AK9: variants seen among roughly 807,000 people sequenced by gnomAD.
The protein encoded by AK9 is adenylate kinase 9.
In AK9, 191 loss-of-function variants were observed where a neutral mutation model predicts 239.6. The observed-to-expected ratio is 0.80, with a 90% CI of 0.71 to 0.90. The LOEUF (loss-of-function observed/expected upper bound fraction) is 0.90. Ranked by LOEUF, AK9 falls within the 40% of genes least tolerant of loss-of-function variation. AK9 has a pLI of 0.00. For missense variants in AK9, 1,995 were observed against 2,214.7 expected, an observed-to-expected ratio of 0.90 and a Z score of 1.99; for synonymous variants, 689 against 721.0, an observed-to-expected ratio of 0.96 and a Z score of 0.71.
chr6:109,534,799 C>T (rs1781757751), intron 27 of AK9, among the ~76,000 whole-genome samples: 1 of 151,816 alleles, frequency 6.6e-6, no homozygotes, highest in Admixed American at 6.6e-5. Context: ...TACTCCCCTT[C>T]CTGTGTCCAA....
chr6:109,659,097 C>T, intron 7 of AK9, 131 bp downstream of exon 7: 1 of 1,235,896 alleles, frequency 8.1e-7, no homozygotes, highest in Non-Finnish European at 1.1e-6. Context: ...TTGCTTATTT[C>T]CTCCAAACTC....
intron 29 of AK9, among the ~76,000 whole-genome samples, chr6:109,526,755 T>G (rs1780569444): frequency 6.6e-6 from 1 of 152,176 alleles, no homozygotes; most frequent in Admixed American, 6.5e-5. Context: ...TGTGAACTAC[T>G]TGGTTTTCAG....
At chr6:109,520,894 T>G (rs1297613300) in intron 29 of AK9, among the ~76,000 whole-genome samples, 1 of 152,166 alleles carries the variant, frequency 6.6e-6, no homozygotes, top group African/African-American at 2.4e-5. Flanking sequence ...CATTCTTGAT[T>G]TGGCTCTAAG....
intron 28 of AK9, among the ~76,000 whole-genome samples, chr6:109,530,098 G>A (rs557903504): frequency 3.3e-5 from 5 of 152,266 alleles, no homozygotes; most frequent in African/African-American, 9.6e-5. Context: ...TAACACAATG[G>A]ATCCCCTTTG....
chr6:109,564,114 C>T lies in AK9; in HGVS notation c.2601G>A (p.Gln867=). The change falls in exon 23 of 41, where the codon CAG becomes CAA. Residue 867 remains glutamine, a synonymous_variant. Coordinates refer to ENST00000424296, the MANE Select transcript of AK9 (RefSeq NM_001145128.3). ...TCTCAACTACTTTTTGAAGTAATTC[C>T]TGTGGAGTTCTGTCAGCAATCTCCA... The part of the protein sequence containing the change: ...LNLEIADRTP[Q]ELLQKVVETM... 1.3e-6 allele frequency: 2 copies of T among 1,551,274 alleles called. No homozygotes were observed. The highest frequency in any genetic ancestry group is 1.7e-6 in the Non-Finnish European group (2 of 1,146,832).
At chr6:109,608,218 G>A (rs1365690381) in intron 17 of AK9, among the ~76,000 whole-genome samples, 1 of 150,992 alleles carries the variant, frequency 6.6e-6, no homozygotes, top group African/African-American at 2.4e-5. Flanking sequence ...GGTGGAGGTT[G>A]CAGTGAGCTG....
At chr6:109,519,790 T>C (rs75745426) in intron 29 of AK9, among the ~76,000 whole-genome samples, 12 of 145,076 alleles carry the variant, frequency 8.3e-5, no homozygotes, top group Non-Finnish European at 1.8e-4. Context: ...AAAAAAAAAA[T>C]AGCCATTCTG....
chr6:109,597,398 C>T (rs759491490), intron 17 of AK9, among the ~76,000 whole-genome samples: 3 of 151,630 alleles, frequency 2.0e-5, no homozygotes, highest in African/African-American at 7.3e-5. Flanking sequence ...TTTTGCCGGG[C>T]GCGGTGGCTC....
At chr6:109,555,085 C>T (rs189822539) in intron 24 of AK9, among the ~76,000 whole-genome samples, 1 of 152,186 alleles carries the variant, frequency 6.6e-6, no homozygotes, top group Non-Finnish European at 1.5e-5. Flanking sequence ...GCTTCTCTAG[C>T]TCTCTTCATT....
intron 29 of AK9, chr6:109,528,458 A>G: frequency 2.4e-6 from 1 of 424,142 alleles, no homozygotes; most frequent in Non-Finnish European, 4.7e-6. Flanking sequence ...ATGAAAATCG[A>G]GGCAAATAAT....
intron 8 of AK9, among the ~76,000 whole-genome samples, chr6:109,648,242 A>G (rs1798360455): frequency 6.6e-6 from 1 of 152,218 alleles, no homozygotes; most frequent in South Asian, 2.1e-4. Flanking sequence ...CTAAGATCAG[A>G]GCAGAACTGA....
Position 109,671,936 on chromosome 6 carries a change from G to A in AK9, c.314C>T (p.Pro105Leu). Residue 105 changes from proline to leucine, a missense_variant, in exon 5 of 41, where the codon CCA (proline) becomes CTA (leucine). Physicochemically the swap from Pro to Leu is moderately conservative, Grantham distance 98. This residue lies in a region of AK9 where 252 missense variants were observed against 246.4 expected (regional missense o/e 1.02). Coordinates refer to ENST00000424296, the MANE Select transcript of AK9 (RefSeq NM_001145128.3). ...AAACATACCAAAGTGACAGACTTCT[G>A]GGGAGTTGAGCTTCTCCAACATTAG... ...IKLMLEKLNS[P>L]EVCHFGYIIT... 1 of 1,613,726 alleles carries A rather than the reference G, an allele frequency of 6.2e-7. No individual in the cohort carries two copies. Among genetic ancestry groups the A allele is most frequent in the South Asian group, 1.1e-5 (1 of 91,060 alleles).
chr6:109,650,616 C>T (rs1181829874), intron 8 of AK9, among the ~76,000 whole-genome samples: 1 of 152,142 alleles, frequency 6.6e-6, no homozygotes, highest in Non-Finnish European at 1.5e-5. Context: ...AATAGGAACA[C>T]TTTTACACTG....
intron 8 of AK9, among the ~76,000 whole-genome samples, chr6:109,654,667 C>T (rs576106335): frequency 6.6e-6 from 1 of 152,254 alleles, no homozygotes; most frequent in Non-Finnish European, 1.5e-5. Flanking sequence ...AAGCTAGATT[C>T]AATCTTAAGA....
At chr6:109,649,808 G>T (rs1422743061) in intron 8 of AK9, among the ~76,000 whole-genome samples, 1 of 152,196 alleles carries the variant, frequency 6.6e-6, no homozygotes, top group Non-Finnish European at 1.5e-5. Flanking sequence ...CAAAGCTGGA[G>T]GCATCACGCT....
At chr6:109,652,758 C>A (rs1468278394) in intron 8 of AK9, among the ~76,000 whole-genome samples, 145 of 152,172 alleles carry the variant, frequency 9.5e-4, no homozygotes, top group Non-Finnish European at 1.8e-3. Context: ...AAACAGTTAA[C>A]ACGACTTCTC....
At chr6:109,569,228 T>C (rs1787035400) in intron 21 of AK9, among the ~76,000 whole-genome samples, 1 of 152,312 alleles carries the variant, frequency 6.6e-6, no homozygotes, top group East Asian at 1.9e-4. Flanking sequence ...GCTAGCCATA[T>C]GTAGAAAGCT....
At chr6:109,673,388 T>C (rs1259580288) in intron 3 of AK9, among the ~76,000 whole-genome samples, 2 of 152,216 alleles carry the variant, frequency 1.3e-5, no homozygotes, top group Non-Finnish European at 2.9e-5. Context: ...ACCAGTGTTA[T>C]GTTGATTAAC....
chr6:109,611,622 C>A (rs1355886990), intron 16 of AK9, among the ~76,000 whole-genome samples: 1 of 152,194 alleles, frequency 6.6e-6, no homozygotes, highest in Non-Finnish European at 1.5e-5. Flanking sequence ...TTGGCTGACT[C>A]AGCTAAGTGC....
Sources: gnomAD v4.1 joint callset for allele counts (sites outside exome capture counted in the v4.1 genomes callset) on GRCh38, gnomAD v4.1.1 for gene constraint, gnomAD v4.1.1 regional missense constraint, MANE v1.5 for transcripts, NCBI Gene and HGNC (gene_info 2026-07-23, HGNC 2026-07-21) for gene names.